SGCD: variants seen among roughly 807,000 people sequenced by gnomAD.
SGCD encodes sarcoglycan delta, also known as delta-sarcoglycan.
In SGCD, 18 loss-of-function variants were observed where a neutral mutation model predicts 36.6. The ratio of observed to expected loss-of-function variants is 0.49; its 90% CI spans 0.34 to 0.73. The LOEUF is 0.73. Ranked by LOEUF, SGCD falls within the 30% of genes least tolerant of loss-of-function variation. The pLI is 0.01. For synonymous variants in SGCD, 133 were observed against 130.6 expected (o/e 1.02, Z -0.12); for missense variants, 387 against 346.7 (o/e 1.12, Z -0.92).
intron 3 of SGCD, among the ~76,000 whole-genome samples, chr5:156,441,181 G>A (rs1753476473): frequency 1.3e-5 from 2 of 152,082 alleles, no homozygotes; most frequent in Admixed American, 6.6e-5. Flanking sequence ...CATTATCACC[G>A]TCCTACTCTG....
In SGCD at chr5:155,890,461, C is replaced by CA. The variant is rs564993933; in HGVS notation, c.-282+20043dup. Among the ~76,000 whole-genome samples the CA allele has an allele frequency of 5.4e-3, 824 of 152,020 alleles. 3 individuals carry two copies. The highest frequency in any genetic ancestry group is 0.02 in the Middle Eastern group (6 of 294). On this transcript the variant is annotated intron_variant, in intron 1 of 9. Transcript: ENST00000517913. Reference sequence around the variant, plus strand: ...GCACCATGGTGGAACCTTACCTCTACAAAAAATACAAAATTTTGCCAGAAA... The same window carrying CA: ...GCACCATGGTGGAACCTTACCTCTACAAAAAAATACAAAATTTTGCCAGAAA...
At chr5:156,175,988 T>C (rs752040469) in intron 3 of SGCD, among the ~76,000 whole-genome samples, 2 of 152,134 alleles carry the variant, frequency 1.3e-5, no homozygotes, top group Non-Finnish European at 2.9e-5. Context: ...AGAAGTTACT[T>C]GGCTGGTATA....
intron 1 of SGCD, among the ~76,000 whole-genome samples, chr5:155,877,719 T>C (rs1755795843): frequency 6.6e-6 from 1 of 152,106 alleles, no homozygotes; most frequent in African/African-American, 2.4e-5. Flanking sequence ...GCATTTATTC[T>C]GCTTGATCAA....
intron 1 of SGCD, among the ~76,000 whole-genome samples, chr5:156,073,479 C>T (rs113637745): frequency 0.011 from 1,655 of 152,254 alleles, 45 homozygotes; most frequent in African/African-American, 0.038. Flanking sequence ...AGGAAGATTG[C>T]GTGAGCCCAG....
At chr5:156,601,491 A>G (rs1761189476) in intron 6 of SGCD, among the ~76,000 whole-genome samples, 1 of 152,146 alleles carries the variant, frequency 6.6e-6, no homozygotes, top group South Asian at 2.1e-4. Context: ...CCATCGGTGT[A>G]TGTGTCTACT....
chr5:156,481,570 C>T (rs1036150198), intron 3 of SGCD, among the ~76,000 whole-genome samples: 5 of 152,166 alleles, frequency 3.3e-5, no homozygotes, highest in Non-Finnish European at 4.4e-5. Flanking sequence ...TTTGAAACAT[C>T]TGTTATTATA....
chr5:155,926,792 ATGG>A (rs1395468756), intron 1 of SGCD, among the ~76,000 whole-genome samples: 1 of 152,200 alleles, frequency 6.6e-6, no homozygotes, highest in Non-Finnish European at 1.5e-5. Context: ...AAATATAGTA[ATGG>A]TGGGAAGAAA....
intron 1 of SGCD, among the ~76,000 whole-genome samples, chr5:155,970,248 C>T (rs2127559389): frequency 6.6e-6 from 1 of 152,266 alleles, no homozygotes; most frequent in South Asian, 2.1e-4. Context: ...CTTGCTCTGT[C>T]CAGATGACCA....
chr5:156,604,835 C>T (rs1169233317), intron 6 of SGCD, among the ~76,000 whole-genome samples: 1 of 104,914 alleles, frequency 9.5e-6, no homozygotes, highest in Non-Finnish European at 2.0e-5. Flanking sequence ...ACACAATATT[C>T]ACACATATAT....
intron 3 of SGCD, among the ~76,000 whole-genome samples, chr5:156,464,959 C>T (rs917681891): frequency 6.6e-6 from 1 of 152,102 alleles, no homozygotes; most frequent in African/African-American, 2.4e-5. Context: ...CAAAATGCTA[C>T]TTAGGATAAG....
intron 3 of SGCD, among the ~76,000 whole-genome samples, chr5:156,148,037 A>C (rs1310395083): frequency 2.0e-5 from 3 of 152,218 alleles, no homozygotes; most frequent in Non-Finnish European, 4.4e-5. Flanking sequence ...GCCTATAATC[A>C]TAAACCTTTG....
chr5:156,282,049 T>C (rs1490672615), intron 3 of SGCD, among the ~76,000 whole-genome samples: 1 of 152,022 alleles, frequency 6.6e-6, no homozygotes, highest in Non-Finnish European at 1.5e-5. Flanking sequence ...AAAACTTCTG[T>C]TCTCCAGTAG....
intron 3 of SGCD, among the ~76,000 whole-genome samples, chr5:156,289,094 T>C (rs148064904): frequency 3.9e-5 from 6 of 152,158 alleles, no homozygotes; most frequent in Non-Finnish European, 7.4e-5. Flanking sequence ...AGAAGATTAG[T>C]CCTATAAAGT....
chr5:155,878,542 C>T (rs1044943156), intron 1 of SGCD, among the ~76,000 whole-genome samples: 2 of 152,008 alleles, frequency 1.3e-5, no homozygotes, highest in Non-Finnish European at 2.9e-5. Flanking sequence ...AAGCCTAAAG[C>T]AGTTAATTTG....
At chr5:156,313,829 C>T (rs565155658) in intron 3 of SGCD, among the ~76,000 whole-genome samples, 3 of 152,102 alleles carry the variant, frequency 2.0e-5, no homozygotes, top group South Asian at 2.1e-4. Flanking sequence ...TTTTAGATTT[C>T]GCTACTAATG....
intron 3 of SGCD, among the ~76,000 whole-genome samples, chr5:156,414,184 G>GGT (rs1167918706): frequency 2.0e-5 from 3 of 152,106 alleles, no homozygotes; most frequent in African/African-American, 7.2e-5. Context: ...AAGCACTCAA[G>GGT]GTAAAACCCA....
intron 4 of SGCD, among the ~76,000 whole-genome samples, chr5:156,575,020 G>T (rs1759873207): frequency 6.6e-6 from 1 of 152,138 alleles, no homozygotes; most frequent in Non-Finnish European, 1.5e-5. Flanking sequence ...GGAGCTCTTG[G>T]CCACTGCAAG....
chr5:156,526,754 C>T (rs1333080975), intron 4 of SGCD, among the ~76,000 whole-genome samples: 1 of 152,108 alleles, frequency 6.6e-6, no homozygotes, highest in East Asian at 1.9e-4. Context: ...TTTTTTTAAA[C>T]AGACACATAA....
chr5:156,460,068 C>G (rs1754419160), intron 3 of SGCD, among the ~76,000 whole-genome samples: 1 of 152,098 alleles, frequency 6.6e-6, no homozygotes, highest in Middle Eastern at 3.2e-3. Context: ...TCCTTTCAAA[C>G]CTGAGCTGAA....
Sources: allele counts gnomAD v4.1 joint callset (sites outside exome capture counted in the v4.1 genomes callset), GRCh38; gene constraint gnomAD v4.1.1; transcripts MANE v1.5; gene names NCBI Gene and HGNC (gene_info 2026-07-23, HGNC 2026-07-21).